The following SLC4A4 variants were observed in gnomAD, a reference collection of about 807,000 sequenced individuals.
The protein encoded by SLC4A4 is electrogenic sodium bicarbonate cotransporter 1.
SLC4A4 carries 27 observed loss-of-function variants against 111.5 expected under a neutral mutation model. The ratio of observed to expected loss-of-function variants is 0.24; its 90% CI spans 0.18 to 0.33. SLC4A4 has a LOEUF of 0.33. Among genes scored for constraint, SLC4A4 ranks in the 10% least tolerant of loss-of-function variants. SLC4A4 has a pLI of 1.00. For missense variants in SLC4A4, 909 were observed against 1,315.5 expected (o/e 0.69, Z 4.78); for synonymous variants, 443 against 463.4 (o/e 0.96, Z 0.57).
intron 1 of SLC4A4, among the ~76,000 whole-genome samples, chr4:71,080,772 T>C (rs11737056): frequency 0.42 from 64,287 of 151,914 alleles, 16,633 homozygotes; most frequent in Non-Finnish European, 0.58. Context: ...GTAAGCCCAC[T>C]AGTCCCTGCT....
At position 71,472,646 on chromosome 4, in the gene SLC4A4, T is replaced by C. The variant is rs2149108163; in HGVS notation, c.1632-53T>C. 26 of 1,560,630 alleles carry C rather than the reference T, an allele frequency of 1.7e-5. No homozygotes were observed. In the South Asian group the frequency reaches 2.7e-4, roughly 16 times the overall value. ...GTAGACATTTGGTAGTTTTATATTA[T>C]TCTTTGTGTTCCAAGGAGGAGGAAT... On this transcript the variant is annotated intron_variant, in intron 13 of 25. Transcript: ENST00000264485.
At chr4:71,198,496 G>A (rs956296276) in intron 1 of SLC4A4, among the ~76,000 whole-genome samples, 4 of 152,194 alleles carry the variant, frequency 2.6e-5, no homozygotes, top group East Asian at 3.8e-4. Flanking sequence ...AGAGAAACAC[G>A]CTGCATATCA....
intron 2 of SLC4A4, among the ~76,000 whole-genome samples, chr4:71,114,049 C>A (rs2148953006): frequency 6.6e-6 from 1 of 152,132 alleles, no homozygotes. Context: ...AGATTGAGAC[C>A]ATTCTGGCTA....
At chr4:71,348,534 C>A (rs1336955521) in intron 4 of SLC4A4, among the ~76,000 whole-genome samples, 1 of 152,104 alleles carries the variant, frequency 6.6e-6, no homozygotes, top group African/African-American at 2.4e-5. Flanking sequence ...GAAGGAGGGT[C>A]TTAGAATTGT....
At chr4:71,242,548 TAAG>T (rs1720325372) in intron 2 of SLC4A4, among the ~76,000 whole-genome samples, 1 of 152,130 alleles carries the variant, frequency 6.6e-6, no homozygotes, top group African/African-American at 2.4e-5. Flanking sequence ...TTAGAACTCT[TAAG>T]AACTTCCAAC....
chr4:71,300,681 C>A, intron 3 of SLC4A4: 1 of 386,002 alleles, frequency 2.6e-6, no homozygotes, highest in Non-Finnish European at 5.2e-6. Flanking sequence ...GCAGGCCCAG[C>A]GGAGTGATAT....
intron 3 of SLC4A4, among the ~76,000 whole-genome samples, chr4:71,335,807 A>T (rs1366921817): frequency 2.0e-5 from 3 of 151,756 alleles, no homozygotes; most frequent in African/African-American, 7.3e-5. Context: ...CCTGGGCAAT[A>T]GTGTGAGACT....
chr4:71,492,286 A>G (rs151082367), intron 15 of SLC4A4, among the ~76,000 whole-genome samples: 127 of 152,002 alleles, frequency 8.4e-4, no homozygotes, highest in African/African-American at 3.0e-3. Context: ...ATCCTGTCTC[A>G]TATTATCCCT....
intron 7 of SLC4A4, among the ~76,000 whole-genome samples, chr4:71,418,806 T>C (rs1435917398): frequency 6.6e-6 from 1 of 152,180 alleles, no homozygotes; most frequent in Non-Finnish European, 1.5e-5. Context: ...TCCTATGTAG[T>C]CTTAGAATAA....
chr4:71,141,792 A>G (rs1029790168), intron 2 of SLC4A4, among the ~76,000 whole-genome samples: 5 of 152,240 alleles, frequency 3.3e-5, no homozygotes, highest in Non-Finnish European at 5.9e-5. Context: ...GAATCAATTC[A>G]TTGATATATA....
chr4:71,554,049 A>G (rs1736262359), intron 20 of SLC4A4, among the ~76,000 whole-genome samples: 1 of 151,938 alleles, frequency 6.6e-6, no homozygotes, highest in Non-Finnish European at 1.5e-5. Context: ...TTTGTTACAC[A>G]TTTTAGAATT....
At chr4:71,073,554 C>A (rs1332035608) in intron 1 of SLC4A4, among the ~76,000 whole-genome samples, 1 of 152,038 alleles carries the variant, frequency 6.6e-6, no homozygotes, top group Non-Finnish European at 1.5e-5. Context: ...TGCACAACCC[C>A]CACCTCTCCA....
At chr4:71,262,462 C>T (rs866236347) in intron 3 of SLC4A4, among the ~76,000 whole-genome samples, 7 of 152,082 alleles carry the variant, frequency 4.6e-5, no homozygotes, top group African/African-American at 1.2e-4. Context: ...AGAGGTGTTG[C>T]GAGCAAGGAG....
At chr4:71,270,596 A>C (rs1260529568) in intron 3 of SLC4A4, among the ~76,000 whole-genome samples, 1 of 152,140 alleles carries the variant, frequency 6.6e-6, no homozygotes, top group African/African-American at 2.4e-5. Flanking sequence ...GTAGAAACAC[A>C]CTCCTTATTA....
rs535968018 is a variant in SLC4A4 at position 71,454,256 on chromosome 4, T to C, written c.1497+587T>C. On this transcript the variant is annotated intron_variant, in intron 12 of 25. Coordinates refer to ENST00000264485, the MANE Select transcript of SLC4A4 (RefSeq NM_001098484.3). ...ATGATTAATTGTAACCACAATTAGT[T>C]GGTTACTTCTCAGATAGCATTATCT... Among the ~76,000 whole-genome samples, 12 of 152,354 alleles carry C rather than the reference T, an allele frequency of 7.9e-5. No homozygotes were observed. In the East Asian group the frequency reaches 2.3e-3, roughly 29 times the overall value.
At chr4:71,263,437 T>C (rs1722014558) in intron 3 of SLC4A4, among the ~76,000 whole-genome samples, 1 of 152,182 alleles carries the variant, frequency 6.6e-6, no homozygotes, top group African/African-American at 2.4e-5. Flanking sequence ...GCAGAGGCAA[T>C]ATTGCATGCT....
At chr4:71,089,491 A>G (rs371403061) in intron 1 of SLC4A4, among the ~76,000 whole-genome samples, 1 of 151,760 alleles carries the variant, frequency 6.6e-6, no homozygotes, top group Non-Finnish European at 1.5e-5. Context: ...TAGAGTTTCC[A>G]GTTTTTCTGC....
chr4:71,158,097 CTGTGTGTG>C (rs139897656), intron 2 of SLC4A4, among the ~76,000 whole-genome samples: 2,388 of 137,120 alleles, frequency 0.017, 39 homozygotes, highest in East Asian at 0.048. Context: ...ATCCTTGACT[CTGTGTGTG>C]TGTGTGTGTG....
chr4:71,401,188 A>G (rs944810984), intron 7 of SLC4A4, among the ~76,000 whole-genome samples: 1 of 152,234 alleles, frequency 6.6e-6, no homozygotes, highest in Admixed American at 6.5e-5. Context: ...ATTTGAGGGC[A>G]TATTTTTTAT....
Sources: gnomAD v4.1 joint callset for allele counts (sites outside exome capture counted in the v4.1 genomes callset) on GRCh38, gnomAD v4.1.1 for gene constraint, MANE v1.5 for transcripts, NCBI Gene and HGNC (gene_info 2026-07-23, HGNC 2026-07-21) for gene names.